The following SMYD3 variants were observed in gnomAD, a reference collection of about 807,000 sequenced individuals.
SMYD3 encodes SET and MYND domain containing 3.
A neutral mutation model predicts 57.7 loss-of-function variants in SMYD3; 36 were observed. The ratio of observed to expected loss-of-function variants is 0.62; its 90% CI spans 0.48 to 0.82. The LOEUF (loss-of-function observed/expected upper bound fraction) is 0.82. Ranked by LOEUF, SMYD3 falls within the 40% of genes least tolerant of loss-of-function variation. The probability of loss-of-function intolerance (pLI) is 0.00; values close to 1 mark genes in which losing one functional copy is unlikely to be tolerated. For missense variants in SMYD3, 515 were observed against 538.8 expected, an observed-to-expected ratio of 0.96 and a Z score of 0.44; for synonymous variants, 211 against 195.0, an observed-to-expected ratio of 1.08 and a Z score of -0.68.
At chr1:245,980,684 ACT>A (rs745547950) in intron 5 of SMYD3, among the ~76,000 whole-genome samples, 1 of 152,198 alleles carries the variant, frequency 6.6e-6, no homozygotes, top group Non-Finnish European at 1.5e-5. Flanking sequence ...GCTGTCAGTA[ACT>A]CTGCAACAGG....
At chr1:246,171,027 G>A (rs1327810125) in intron 5 of SMYD3, among the ~76,000 whole-genome samples, 2 of 151,910 alleles carry the variant, frequency 1.3e-5, no homozygotes, top group Non-Finnish European at 2.9e-5. Context: ...ACTACTTTCA[G>A]ATTATCAATT....
intron 10 of SMYD3, among the ~76,000 whole-genome samples, chr1:245,814,668 G>A (rs985486309): frequency 6.6e-6 from 1 of 152,104 alleles, no homozygotes; most frequent in Admixed American, 6.5e-5. Flanking sequence ...GGTCACTTAA[G>A]CTTGTGCCGG....
intron 5 of SMYD3, among the ~76,000 whole-genome samples, chr1:246,081,767 A>T (rs981410968): frequency 2.6e-5 from 4 of 152,170 alleles, no homozygotes; most frequent in African/African-American, 9.7e-5. Flanking sequence ...GCTAGAAAAA[A>T]TTTAAAATAA....
Position 246,036,715 on chromosome 1 carries a change from G to A in SMYD3, c.532-106778C>T, listed in dbSNP as rs1188815738. Among the ~76,000 whole-genome samples the A allele has an allele frequency of 2.2e-4, 16 of 72,018 alleles. No individual in the cohort carries two copies. The East Asian group carries it at 9.3e-3, about 42-fold the overall frequency. The allele number at this position is 72,018 out of a possible 152,430, so 47.2% of individuals were successfully genotyped here. Reference sequence around the variant, plus strand: ...ACTACAGGCGCCTGCCACTAAGCCCGGCTAATTTTTTTTTTTTTTTTTGTA... The same window carrying A: ...ACTACAGGCGCCTGCCACTAAGCCCAGCTAATTTTTTTTTTTTTTTTTGTA... On this transcript the variant is annotated intron_variant, in intron 5 of 11. Transcript: ENST00000490107.
At chr1:245,756,878 T>C (rs968960368) in intron 11 of SMYD3, among the ~76,000 whole-genome samples, 1 of 151,928 alleles carries the variant, frequency 6.6e-6, no homozygotes, top group African/African-American at 2.4e-5. Context: ...CGGTTTATAC[T>C]GTTCGGGGTT....
intron 1 of SMYD3, among the ~76,000 whole-genome samples, chr1:246,402,381 T>TTTTTTTTTTTTTTTTTTTTTTTTTG (rs1239559421): frequency 6.6e-6 from 1 of 151,502 alleles, no homozygotes; most frequent in Non-Finnish European, 1.5e-5. Flanking sequence ...AACGCCATCT[T>TTTTTTTTTTTTTTTTTTTTTTTTTG]AAAGATGATC....
chr1:246,347,235 T>C (rs2065737053), intron 2 of SMYD3, among the ~76,000 whole-genome samples: 1 of 151,542 alleles, frequency 6.6e-6, no homozygotes, highest in African/African-American at 2.4e-5. Context: ...AGAAGAAGAA[T>C]AAAGAGAGAA....
chr1:246,201,012 A>G (rs1399849725), intron 5 of SMYD3, among the ~76,000 whole-genome samples: 2 of 152,222 alleles, frequency 1.3e-5, no homozygotes, highest in Non-Finnish European at 2.9e-5. Context: ...TTGCCCCCAT[A>G]TTAACAAGGT....
intron 1 of SMYD3, among the ~76,000 whole-genome samples, chr1:246,362,097 C>T (rs906113571): frequency 3.9e-5 from 6 of 152,102 alleles, no homozygotes; most frequent in African/African-American, 1.4e-4. Context: ...GTAGAATATA[C>T]GTAACATAAA....
At chr1:245,773,570 GAC>G (rs2046425039) in intron 10 of SMYD3, among the ~76,000 whole-genome samples, 1 of 152,168 alleles carries the variant, frequency 6.6e-6, no homozygotes, top group Admixed American at 6.5e-5. Context: ...AGGCAGGCAG[GAC>G]AGTCCTCCAC....
intron 5 of SMYD3, among the ~76,000 whole-genome samples, chr1:246,323,686 G>A (rs932238575): frequency 6.6e-6 from 1 of 152,092 alleles, no homozygotes; most frequent in African/African-American, 2.4e-5. Flanking sequence ...GAAGTTTTCT[G>A]CCTTGATAGA....
intron 5 of SMYD3, among the ~76,000 whole-genome samples, chr1:246,176,780 C>T (rs912988429): frequency 2.0e-5 from 3 of 152,178 alleles, no homozygotes; most frequent in Non-Finnish European, 4.4e-5. Context: ...ACCTCGGCCT[C>T]CCAAAGTGTT....
intron 3 of SMYD3, among the ~76,000 whole-genome samples, chr1:246,332,326 G>C (rs142026332): frequency 4.9e-4 from 75 of 152,302 alleles, no homozygotes; most frequent in Non-Finnish European, 9.3e-4. Context: ...AAGTCTGAGT[G>C]GCCTGGATAT....
rs2046337842 is a variant in SMYD3, at chr1:245,771,557, G to A, written c.1077-7408C>T. Among the ~76,000 whole-genome samples, 3 of 152,286 alleles carry A rather than the reference G, an allele frequency of 2.0e-5. No homozygotes were observed. In the South Asian group the frequency reaches 6.2e-4, roughly 32 times the overall value. ...CTTCCAATGCTGTTTCAAGACATTA[G>A]ACAGACATAGACTTGATAGCTAGAA... On this transcript the variant is annotated intron_variant, in intron 10 of 11. Coordinates refer to ENST00000490107, the MANE Select transcript of SMYD3 (RefSeq NM_001167740.2).
At chr1:246,324,410 C>T (rs1267114747) in intron 5 of SMYD3, among the ~76,000 whole-genome samples, 2 of 138,622 alleles carry the variant, frequency 1.4e-5, no homozygotes, top group African/African-American at 5.6e-5. Context: ...AGCGAAAACT[C>T]CATCTCAAAA....
intron 10 of SMYD3, among the ~76,000 whole-genome samples, chr1:245,813,815 T>C (rs1431899469): frequency 6.7e-6 from 1 of 149,662 alleles, no homozygotes; most frequent in Non-Finnish European, 1.5e-5. Context: ...CCTCAGAATA[T>C]TAAGCACCTA....
chr1:245,996,998 G>C (rs10924438), intron 5 of SMYD3, among the ~76,000 whole-genome samples: 4,336 of 152,310 alleles, frequency 0.028, 192 homozygotes, highest in African/African-American at 0.098. Flanking sequence ...TCGCTGGTGC[G>C]GAACACCATG....
At chr1:245,876,065 G>A (rs928059798) in intron 8 of SMYD3, among the ~76,000 whole-genome samples, 5 of 152,140 alleles carry the variant, frequency 3.3e-5, no homozygotes, top group Non-Finnish European at 5.9e-5. Flanking sequence ...CACTCCAGAG[G>A]GCTGCAGAGA....
At position 246,458,349 on chromosome 1, in the gene SMYD3, T is replaced by C. The variant is rs1042798031; in HGVS notation, c.164+48705A>G. ...AGTTGGAAAAACTGAAGACTAATTC[T>C]GAAGTGATATCATCAACATAGCTCA... On this transcript the variant is annotated intron_variant, in intron 1 of 11. Transcript: ENST00000490107. Among the ~76,000 whole-genome samples, 10 of 152,048 alleles carry C rather than the reference T, an allele frequency of 6.6e-5. No individual in the cohort carries two copies. In the East Asian group the frequency reaches 1.9e-3, roughly 29 times the overall value.
Sources: gnomAD v4.1 joint callset for allele counts (sites outside exome capture counted in the v4.1 genomes callset) on GRCh38, gnomAD v4.1.1 for gene constraint, MANE v1.5 for transcripts, NCBI Gene and HGNC (gene_info 2026-07-23, HGNC 2026-07-21) for gene names.